TIMP2: variants seen among roughly 807,000 people sequenced by gnomAD.
The protein encoded by TIMP2 is TIMP metallopeptidase inhibitor 2.
TIMP2 carries 5 observed loss-of-function variants against 24.3 expected under a neutral mutation model. The ratio of observed to expected loss-of-function variants is 0.21; its 90% CI spans 0.11 to 0.43. TIMP2 has a LOEUF of 0.43. Ranked by LOEUF, TIMP2 falls within the 20% of genes least tolerant of loss-of-function variation. The pLI, the probability that TIMP2 is intolerant of heterozygous loss-of-function variation, is 1.00. For synonymous variants in TIMP2, 130 were observed against 123.2 expected (o/e 1.06, Z -0.37); for missense variants, 221 against 297.5 (o/e 0.74, Z 1.89).
At chr17:78,892,704 A>T (rs534174848) in intron 1 of TIMP2, among the ~76,000 whole-genome samples, 1 of 152,320 alleles carries the variant, frequency 6.6e-6, no homozygotes, top group East Asian at 1.9e-4. Context: ...CCCAGGGGAC[A>T]TTGGCAATGT....
At chr17:78,922,160 A>G (rs1476055957) in intron 1 of TIMP2, 1 of 152,274 alleles carries the variant, frequency 6.6e-6, no homozygotes, top group Non-Finnish European at 1.5e-5. Context: ...TCTTCCAGGC[A>G]ATTCTGCTCT....
At chr17:78,897,004 G>A (rs879550621) in intron 1 of TIMP2, 9 of 985,384 alleles carry the variant, frequency 9.1e-6, no homozygotes, top group Non-Finnish European at 1.1e-5. Context: ...CTTTCCCTGG[G>A]CGGCCGCTCA....
In TIMP2 at chr17:78,920,209, G is replaced by A. The variant is rs982050721; in HGVS notation, c.130+4750C>T. On this transcript the variant is annotated intron_variant, in intron 1 of 4. Transcript: ENST00000262768. This position sits in a 1 kb window ranked among gnomAD's most constrained non-coding sequence, Gnocchi z 4.5. The stretch of plus-strand genomic sequence containing the variant: ...TGCCCTGTTCTCCATGTGCTCAGAT[G>A]TCGCCACAGAGTCTGAACCTCTCAG... Among the ~76,000 whole-genome samples, 14 of 152,146 alleles carry A rather than the reference G, an allele frequency of 9.2e-5. No homozygotes were observed. The highest frequency in any genetic ancestry group is 2.1e-4 in the Non-Finnish European group (14 of 68,036).
chr17:78,907,431 T>A (rs1222028188), intron 1 of TIMP2, among the ~76,000 whole-genome samples: 1 of 152,166 alleles, frequency 6.6e-6, no homozygotes, highest in African/African-American at 2.4e-5. Flanking sequence ...AAGCCGCCAG[T>A]CGGCCAGTTG....
At chr17:78,892,248 G>T in intron 1 of TIMP2, 1 of 1,550,848 alleles carries the variant, frequency 6.4e-7, no homozygotes, top group South Asian at 1.2e-5. Context: ...CCTTTGCCCC[G>T]GGCTTGTAGC....
intron 3 of TIMP2, among the ~76,000 whole-genome samples, chr17:78,861,292 G>A (rs1401770147): frequency 6.6e-6 from 1 of 152,196 alleles, no homozygotes; most frequent in Non-Finnish European, 1.5e-5. Flanking sequence ...GATTTCCACT[G>A]TATGTATCAC....
At chr17:78,921,797 A>G (rs1216040148) in intron 1 of TIMP2, among the ~76,000 whole-genome samples, 2 of 152,186 alleles carry the variant, frequency 1.3e-5, no homozygotes, top group Non-Finnish European at 2.9e-5. Flanking sequence ...CCACCTCATC[A>G]TGAATTATCT....
In TIMP2 at chr17:78,920,079, C is replaced by T. The variant is rs2070297799; in HGVS notation, c.130+4880G>A. On this transcript the variant is annotated intron_variant, in intron 1 of 4. Coordinates refer to ENST00000262768, the MANE Select transcript of TIMP2 (RefSeq NM_003255.5). This position sits in a 1 kb window ranked among gnomAD's most constrained non-coding sequence, Gnocchi z 4.5. ...CAGACCTCTTTGTTGTTTCCGAACC[C>T]AAGACGTTCACCCCTACACACGACC... 6.6e-6 allele frequency among the ~76,000 whole-genome samples: 1 copy of T among 152,182 alleles called. No homozygotes were observed. Among genetic ancestry groups the T allele is most frequent in the East Asian group, 1.9e-4 (1 of 5,190 alleles).
At chr17:78,914,664 C>G (rs1379392675) in intron 1 of TIMP2, among the ~76,000 whole-genome samples, 1 of 152,088 alleles carries the variant, frequency 6.6e-6, no homozygotes, top group African/African-American at 2.4e-5. Context: ...CAGCCTCAAA[C>G]TCCTGGGCTC....
At chr17:78,917,351 A>G (rs1047135575) in intron 1 of TIMP2, among the ~76,000 whole-genome samples, 2 of 151,808 alleles carry the variant, frequency 1.3e-5, no homozygotes, top group African/African-American at 2.4e-5. Flanking sequence ...AATTGCTTGA[A>G]CCCGGGAGGC....
intron 3 of TIMP2, among the ~76,000 whole-genome samples, chr17:78,867,527 C>G (rs972021926): frequency 6.6e-6 from 1 of 152,086 alleles, no homozygotes; most frequent in Non-Finnish European, 1.5e-5. Flanking sequence ...AAGGACACCA[C>G]CTTCTTCCAG....
intron 1 of TIMP2, among the ~76,000 whole-genome samples, chr17:78,913,277 T>C (rs1320477165): frequency 6.6e-6 from 1 of 152,154 alleles, no homozygotes; most frequent in African/African-American, 2.4e-5. Context: ...AAACATCACG[T>C]GAACCCACGT....
At chr17:78,880,623 T>C (rs1238823250) in intron 1 of TIMP2, among the ~76,000 whole-genome samples, 1 of 152,128 alleles carries the variant, frequency 6.6e-6, no homozygotes, top group African/African-American at 2.4e-5. Context: ...TTGTATGAAC[T>C]AGATGTTCAA....
intron 1 of TIMP2, among the ~76,000 whole-genome samples, chr17:78,892,928 G>A (rs1169164684): frequency 6.6e-6 from 1 of 152,140 alleles, no homozygotes; most frequent in Non-Finnish European, 1.5e-5. Context: ...GGGGCACAAA[G>A]GGCAGCCCTT....
intron 1 of TIMP2, chr17:78,892,482 G>A (rs769653464): frequency 3.3e-6 from 5 of 1,532,962 alleles, no homozygotes; most frequent in Non-Finnish European, 4.4e-6. Context: ...GAGCACAAGT[G>A]CAGCTTTCCA....
At chr17:78,890,399 G>C (rs1189566753) in intron 1 of TIMP2, among the ~76,000 whole-genome samples, 2 of 152,034 alleles carry the variant, frequency 1.3e-5, no homozygotes, top group Non-Finnish European at 2.9e-5. Context: ...ACGGGGTTTC[G>C]CCATGTTGGC....
chr17:78,893,319 G>A (rs2069940821), intron 1 of TIMP2, among the ~76,000 whole-genome samples: 1 of 146,948 alleles, frequency 6.8e-6, no homozygotes, highest in Non-Finnish European at 1.5e-5. Flanking sequence ...ATGTGCAAGG[G>A]TGTGTGTGTC....
chr17:78,856,893 T>C (rs2069528270), intron 4 of TIMP2: 1 of 152,286 alleles, frequency 6.6e-6, no homozygotes, highest in Non-Finnish European at 1.5e-5. Flanking sequence ...CATGGGACCA[T>C]ATTCTCTCTC....
At chr17:78,890,157 T>C (rs2069866557) in intron 1 of TIMP2, among the ~76,000 whole-genome samples, 1 of 150,182 alleles carries the variant, frequency 6.7e-6, no homozygotes, top group Non-Finnish European at 1.5e-5. Context: ...AGGGAAAGAG[T>C]CCCTGTGAGG....
Sources: gnomAD v4.1 joint callset for allele counts (sites outside exome capture counted in the v4.1 genomes callset) on GRCh38, gnomAD v4.1.1 for gene constraint, Gnocchi (gnomAD v3.1) non-coding constraint, MANE v1.5 for transcripts, NCBI Gene and HGNC (gene_info 2026-07-23, HGNC 2026-07-21) for gene names.